The following AK8 variants were observed in gnomAD, a reference collection of about 807,000 sequenced individuals.
AK8 encodes the protein ATP-AMP transphosphorylase 8.
AK8 carries 44 observed loss-of-function variants against 54.6 expected under a neutral mutation model. That is an observed-to-expected ratio of 0.81 (90% CI 0.63 to 1.04). The LOEUF is 1.04. AK8 is among the 50% of genes least tolerant of loss of function. AK8 has a pLI of 0.00. For synonymous variants in AK8, 239 were observed against 245.6 expected, an observed-to-expected ratio of 0.97 and a Z score of 0.25; for missense variants, 555 against 613.6, an observed-to-expected ratio of 0.90 and a Z score of 1.01.
At chr9:132,867,124 C>G (rs1272207515) in intron 2 of AK8, among the ~76,000 whole-genome samples, 171 bp from the exon 3 acceptor site, 1 of 152,106 alleles carries the variant, frequency 6.6e-6, no homozygotes, top group African/African-American at 2.4e-5. Context: ...AACGCATTCT[C>G]TGTGTTCAGA....
intron 11 of AK8, among the ~76,000 whole-genome samples, chr9:132,773,287 C>G (rs1350387925): frequency 1.3e-5 from 2 of 152,174 alleles, no homozygotes; most frequent in African/African-American, 4.8e-5. Flanking sequence ...AGCCTCTGCT[C>G]AAGCATCATC....
intron 11 of AK8, among the ~76,000 whole-genome samples, chr9:132,731,862 C>A (rs1204851944): frequency 2.6e-5 from 4 of 152,136 alleles, no homozygotes. Context: ...TTGCGAGACC[C>A]CGTCTCTGAA....
At chr9:132,873,412 A>G (rs1843942661) in intron 2 of AK8, among the ~76,000 whole-genome samples, 1 of 152,038 alleles carries the variant, frequency 6.6e-6, no homozygotes. Context: ...AGTGAGCTGC[A>G]GGGTCCCTGA....
intron 5 of AK8, among the ~76,000 whole-genome samples, chr9:132,844,337 C>G (rs564666254): frequency 6.6e-6 from 1 of 150,800 alleles, no homozygotes; most frequent in Admixed American, 6.6e-5. Flanking sequence ...AAAGAAACGA[C>G]CCCCCTGCAT....
At chr9:132,866,862 T>C (rs993087489) in intron 3 of AK8, 42 bp downstream of exon 3, 1 of 1,571,674 alleles carries the variant, frequency 6.4e-7, no homozygotes, top group Non-Finnish European at 8.8e-7. Context: ...GGAGGATCAA[T>C]GAGATATTAC....
At chr9:132,854,535 C>G (rs1205095559) in intron 5 of AK8, among the ~76,000 whole-genome samples, 1 of 152,380 alleles carries the variant, frequency 6.6e-6, no homozygotes, top group East Asian at 1.9e-4. Context: ...ATGCCAGTCC[C>G]TGGCGCCTCA....
At position 132,770,642 on chromosome 9, in the gene AK8, C is replaced by G. The variant is rs1838927358; in HGVS notation, c.1121+21992G>C. ...ATTTCAACAGAGACCTGGGGCAGCG[C>G]GGTGGGCAGCGGGCTGGGCCGAGAT... is the stretch of plus-strand genomic sequence containing the variant. On this transcript the variant is annotated intron_variant, in intron 11 of 12. Coordinates refer to ENST00000298545, the MANE Select transcript of AK8 (RefSeq NM_152572.3). This position sits in a 1 kb window ranked among gnomAD's most constrained non-coding sequence, Gnocchi z 4.3. Among the ~76,000 whole-genome samples the G allele has an allele frequency of 1.3e-5, 2 of 152,116 alleles. No homozygotes were observed. Among genetic ancestry groups the G allele is most frequent in the Non-Finnish European group, 2.9e-5 (2 of 68,002 alleles).
intron 11 of AK8, among the ~76,000 whole-genome samples, chr9:132,728,078 G>A (rs1479480110): frequency 2.0e-5 from 3 of 152,160 alleles, no homozygotes; most frequent in African/African-American, 7.2e-5. Context: ...GTGCAATTAA[G>A]ACAAGAACAA....
chr9:132,761,424 G>A (rs928392266), intron 11 of AK8, among the ~76,000 whole-genome samples: 3 of 151,868 alleles, frequency 2.0e-5, no homozygotes, highest in Non-Finnish European at 4.4e-5. Context: ...CACCATGCTC[G>A]GCTAATTTTG....
chr9:132,865,935 C>G (rs960028971), intron 3 of AK8, among the ~76,000 whole-genome samples: 2 of 152,120 alleles, frequency 1.3e-5, no homozygotes, highest in African/African-American at 4.8e-5. Flanking sequence ...TGGTGGCTCA[C>G]GTCTGTAATC....
chr9:132,860,995 A>G lies in AK8; in HGVS notation c.333+2670T>C, dbSNP rs1375468672. Among the ~76,000 whole-genome samples, 1 of 152,242 alleles carries G rather than the reference A, an allele frequency of 6.6e-6. No individual in the cohort carries two copies. The highest frequency in any genetic ancestry group is 1.5e-5 in the Non-Finnish European group (1 of 68,038). Reference sequence around the variant, plus strand: ...GGGCAGGGGGAGCAGGTGAGGGTGCAACCCAAGGCTAGACTGCCATGAGCT... The same window carrying G: ...GGGCAGGGGGAGCAGGTGAGGGTGCGACCCAAGGCTAGACTGCCATGAGCT... On this transcript the variant is annotated intron_variant, in intron 4 of 12. Transcript: ENST00000298545. This position sits in a 1 kb window ranked among gnomAD's most constrained non-coding sequence, Gnocchi z 4.4.
At chr9:132,800,182 T>C (rs1281745711) in intron 10 of AK8, among the ~76,000 whole-genome samples, 1 of 152,172 alleles carries the variant, frequency 6.6e-6, no homozygotes, top group Non-Finnish European at 1.5e-5. Flanking sequence ...GGGATGGCAC[T>C]GATTCCCGGC....
intron 11 of AK8, among the ~76,000 whole-genome samples, chr9:132,760,984 C>A (rs1838431030): frequency 6.6e-6 from 1 of 151,960 alleles, no homozygotes; most frequent in Non-Finnish European, 1.5e-5. Context: ...ATAACATTGG[C>A]CTGTAATTTT....
At chr9:132,765,041 C>T (rs909082054) in intron 11 of AK8, among the ~76,000 whole-genome samples, 5 of 152,090 alleles carry the variant, frequency 3.3e-5, no homozygotes, top group African/African-American at 1.2e-4. Context: ...GTCTGTAATC[C>T]CAGCACTTTG....
intron 11 of AK8, among the ~76,000 whole-genome samples, chr9:132,739,121 A>C (rs117258354): frequency 6.6e-6 from 1 of 151,764 alleles, no homozygotes; most frequent in Non-Finnish European, 1.5e-5. Flanking sequence ...CACTAAAAAA[A>C]TGTATAGAAA....
At chr9:132,734,568 T>A (rs1837008926) in intron 11 of AK8, among the ~76,000 whole-genome samples, 1 of 152,122 alleles carries the variant, frequency 6.6e-6, no homozygotes, top group African/African-American at 2.4e-5. Flanking sequence ...AGACCCCATC[T>A]CTACAAAAAG....
At chr9:132,804,726 G>A (rs760652152) in intron 10 of AK8, among the ~76,000 whole-genome samples, 7 of 152,110 alleles carry the variant, frequency 4.6e-5, no homozygotes, top group Non-Finnish European at 8.8e-5. Flanking sequence ...CGTGGTCCCC[G>A]CTTCCCTCCC....
intron 5 of AK8, among the ~76,000 whole-genome samples, chr9:132,847,158 G>A (rs1049638548): frequency 1.8e-4 from 28 of 152,228 alleles, no homozygotes; most frequent in Non-Finnish European, 3.4e-4. Context: ...GCCGGGGGAA[G>A]AGCGGCCCAG....
At chr9:132,745,674 G>A (rs964191728) in intron 11 of AK8, among the ~76,000 whole-genome samples, 8 of 152,106 alleles carry the variant, frequency 5.3e-5, no homozygotes, top group African/African-American at 1.9e-4. Flanking sequence ...TGGAGGGGAG[G>A]TCCACAGCCC....
Sources: gnomAD v4.1 joint callset for allele counts (sites outside exome capture counted in the v4.1 genomes callset) on GRCh38, gnomAD v4.1.1 for gene constraint, Gnocchi (gnomAD v3.1) non-coding constraint, MANE v1.5 for transcripts, NCBI Gene and HGNC (gene_info 2026-07-23, HGNC 2026-07-21) for gene names.